The following POPDC2 variants were observed in gnomAD, a reference collection of about 807,000 sequenced individuals.
POPDC2 encodes popeye domain-containing protein 2.
In POPDC2, 24 loss-of-function variants were observed where a neutral mutation model predicts 30.5. That is an observed-to-expected ratio of 0.79 (90% CI 0.57 to 1.11). POPDC2 has a LOEUF of 1.11. Ranked by LOEUF, POPDC2 falls within the 50% of genes least tolerant of loss-of-function variation. POPDC2 has a pLI of 0.00. For missense variants in POPDC2, 409 were observed against 447.0 expected (o/e 0.91, Z 0.77); for synonymous variants, 185 against 183.3 (o/e 1.01, Z -0.07).
chr3:119,642,629 T>C, intron 3 of POPDC2, 68 bp from the exon 4 acceptor site: 1 of 1,098,734 alleles, frequency 9.1e-7, no homozygotes, highest in Non-Finnish European at 1.4e-6. Context: ...CTTCAAAGGG[T>C]TCTTTTCAGT....
At chr3:119,648,857 G>C (rs1386670485) in intron 2 of POPDC2, among the ~76,000 whole-genome samples, 189 bp from the exon 3 acceptor site, 1 of 152,140 alleles carries the variant, frequency 6.6e-6, no homozygotes. Flanking sequence ...CTGATATGGG[G>C]GGGTCCTGTG....
At chr3:119,659,405 G>A (rs1340259653) in intron 1 of POPDC2, among the ~76,000 whole-genome samples, 2 of 152,176 alleles carry the variant, frequency 1.3e-5, no homozygotes, top group African/African-American at 4.8e-5. Context: ...ACACAAGTGG[G>A]GCTGTTTGCT....
chr3:119,647,750 C>G (rs1289465217), intron 3 of POPDC2, among the ~76,000 whole-genome samples: 2 of 152,178 alleles, frequency 1.3e-5, no homozygotes, highest in Non-Finnish European at 2.9e-5. Flanking sequence ...GACAAGCAAT[C>G]AGAATTAGAA....
At position 119,660,537 on chromosome 3, in the gene POPDC2, C is replaced by G; in HGVS notation, c.-114G>C. The G allele has an allele frequency of 8.3e-7, 1 of 1,207,220 alleles. No homozygotes were observed. Among genetic ancestry groups the G allele is most frequent in the Non-Finnish European group, 1.1e-6 (1 of 886,466 alleles). 74.8% of individuals were successfully genotyped at this position (1,207,220 alleles called of 1,614,324 possible). On this transcript the variant is annotated 5_prime_UTR_variant, in exon 1 of 4. Transcript: ENST00000493094. ...CTTCTCACCTCCGGCTTCTCACTAC[C>G]GACTCCACCTTTCCTAGAAGGAATG...
chr3:119,648,827 A>T (rs76253759), intron 2 of POPDC2, among the ~76,000 whole-genome samples, 159 bp from the exon 3 acceptor site: 1,713 of 152,284 alleles, frequency 0.011, 25 homozygotes, highest in African/African-American at 0.038. Context: ...GGTCTAGTGG[A>T]TGACTTTCAC....
chr3:119,660,410 C>T lies in POPDC2; in HGVS notation c.14G>A (p.Ser5Asn). 1 of 1,611,904 alleles carries T rather than the reference C, an allele frequency of 6.2e-7. No individual in the cohort carries two copies. Among genetic ancestry groups the T allele is most frequent in the Non-Finnish European group, 8.5e-7 (1 of 1,178,510 alleles). ...CAAGAGAAGCTGGCCCACTCTGCTG[C>T]TGTTGGCGCTCATCTTTGGGGCCTC... MSAN[S>N]SRVGQLLLQG... The change falls in exon 1 of 4, where the codon AGC (serine) becomes AAC (asparagine). Residue 5 changes from serine (S) to asparagine (N), a missense_variant. Transcript: ENST00000493094.
At position 119,648,503 on chromosome 3, in the gene POPDC2, A is replaced by T. The variant is rs771882680; in HGVS notation, c.766T>A (p.Phe256Ile). 3 of 1,614,124 alleles carry T rather than the reference A, an allele frequency of 1.9e-6. No individual in the cohort carries two copies. Among genetic ancestry groups the T allele is most frequent in the Non-Finnish European group, 2.5e-6 (3 of 1,180,018 alleles). ...YTLNDKLFAK[F>I]GLRFDIRLPS... is the part of the protein sequence containing the mutation. The stretch of plus-strand genomic sequence containing the variant: ...AGGCGGATGTCAAAGCGCAGCCCAA[A>T]CTTAGCAAAGAGCTTGTCATTGAGA... Residue 256 changes from phenylalanine to isoleucine, a missense_variant, in exon 3 of 4, where the codon TTT becomes ATT. Phe to Ile is a conservative substitution (Grantham distance 21, BLOSUM62 0). Transcript: ENST00000493094.
intron 3 of POPDC2, among the ~76,000 whole-genome samples, chr3:119,647,597 G>A (rs1218623595): frequency 6.6e-6 from 1 of 152,196 alleles, no homozygotes. Flanking sequence ...TGGGTGAGAG[G>A]AAAGCAAGAT....
chr3:119,659,463 C>T (rs1219008889), intron 1 of POPDC2, among the ~76,000 whole-genome samples: 6 of 152,198 alleles, frequency 3.9e-5, no homozygotes, highest in Non-Finnish European at 1.5e-5. Flanking sequence ...CCCGCTATCC[C>T]GACCTCCCAT....
rs1320464124 is a variant in POPDC2 at position 119,660,114 on chromosome 3, G to C, written c.310C>G (p.Leu104Val). 6.2e-7 allele frequency: 1 copy of C among 1,614,116 alleles called. No individual in the cohort carries two copies. The highest frequency in any genetic ancestry group is 8.5e-7 in the Non-Finnish European group (1 of 1,180,042). ...HLVYRLREDT[L>V]PEEFDLLYKT... ...TAGAGGAGGTCAAACTCCTCAGGGA[G>C]GGTGTCCTCACGCAGGCGGTATACC... Residue 104 changes from leucine (L) to valine (V), a missense_variant, in exon 1 of 4, where the codon CTC becomes GTC. By Grantham distance (32) the Leu-to-Val change is conservative. Coordinates refer to ENST00000493094, the MANE Select transcript of POPDC2 (RefSeq NM_001369919.2).
At chr3:119,659,850 A>G (rs2052920823) in intron 1 of POPDC2, 83 bp downstream of exon 1, 1 of 1,450,950 alleles carries the variant, frequency 6.9e-7, no homozygotes, top group Non-Finnish European at 9.2e-7. Flanking sequence ...ATGGAAAGGG[A>G]CATGAAATGG....
At chr3:119,653,541 A>G (rs1008687310) in intron 2 of POPDC2, among the ~76,000 whole-genome samples, 2 of 150,832 alleles carry the variant, frequency 1.3e-5, no homozygotes, top group Admixed American at 6.6e-5. Context: ...GCAGTGGCGC[A>G]ATCTCGGCTC....
chr3:119,656,928 T>C (rs2052885656), intron 1 of POPDC2, among the ~76,000 whole-genome samples: 1 of 152,214 alleles, frequency 6.6e-6, no homozygotes, highest in South Asian at 2.1e-4. Context: ...AATCTGGTCT[T>C]TGTCTTTGAG....
Position 119,642,506 on chromosome 3 carries a change from AG to A in POPDC2, c.*98del. ...GTTCAGGCGTGTGGGTTGGAGCCAA[AG>A]GGGCCTGTCCCCTGGATATAACTTG... On this transcript the variant is annotated 3_prime_UTR_variant, in exon 4 of 4. Coordinates refer to ENST00000493094, the MANE Select transcript of POPDC2 (RefSeq NM_001369919.2). 6.2e-7 allele frequency: 1 copy of A among 1,612,946 alleles called. No individual in the cohort carries two copies. The highest frequency in any genetic ancestry group is 8.5e-7 in the Non-Finnish European group (1 of 1,178,938).
In POPDC2 at chr3:119,648,564, A is replaced by G. The variant is rs750878806; in HGVS notation, c.705T>C (p.Ala235=). 6 of 1,614,066 alleles carry G rather than the reference A, an allele frequency of 3.7e-6. No homozygotes were observed. Among genetic ancestry groups the G allele is most frequent in the Admixed American group, 1.7e-5 (1 of 59,988 alleles). The change falls in exon 3 of 4, where the codon GCT becomes GCC. Residue 235 remains alanine, a synonymous_variant. Coordinates refer to ENST00000493094, the MANE Select transcript of POPDC2 (RefSeq NM_001369919.2). ...TCTCTGAGATGTCATATCCCAGCAG[A>G]GCCGAGAAGAGGCAGGAGATGTATC... is the stretch of plus-strand genomic sequence containing the variant. ...KERYISCLFS[A]LLGYDISEKL...
chr3:119,657,344 C>T (rs1477868502), intron 1 of POPDC2, among the ~76,000 whole-genome samples: 2 of 152,092 alleles, frequency 1.3e-5, no homozygotes, highest in Non-Finnish European at 2.9e-5. Flanking sequence ...TAATGAATGC[C>T]TAGGTATACA....
chr3:119,656,985 C>A (rs961503844), intron 1 of POPDC2, among the ~76,000 whole-genome samples: 4 of 152,126 alleles, frequency 2.6e-5, no homozygotes, highest in Admixed American at 2.0e-4. Flanking sequence ...TAACTGGCTG[C>A]AAGTCAATGT....
At chr3:119,645,533 A>G (rs1560095710) in intron 3 of POPDC2, among the ~76,000 whole-genome samples, 1 of 146,926 alleles carries the variant, frequency 6.8e-6, no homozygotes, top group Non-Finnish European at 1.5e-5. Context: ...ACTGCGCTGC[A>G]GCCTGGGTGA....
Position 119,660,229 on chromosome 3 carries a change from C to G in POPDC2, c.195G>C (p.Val65=). 1 of 1,614,188 alleles carries G rather than the reference C, an allele frequency of 6.2e-7. No homozygotes were observed. Among genetic ancestry groups the G allele is most frequent in the Non-Finnish European group, 8.5e-7 (1 of 1,180,034 alleles). Residue 65 remains valine (V), a synonymous_variant, in exon 1 of 4, where the codon GTG becomes GTC. Transcript: ENST00000493094. ...CACAGGCACTGAACCAGCCCCACAG[C>G]ACGCAGCACAGGTAACCTGCACTCA... ...GFLSAGYLCC[V]LWGWFSACGL...
Sources: allele counts gnomAD v4.1 joint callset (sites outside exome capture counted in the v4.1 genomes callset), GRCh38; gene constraint gnomAD v4.1.1; transcripts MANE v1.5; gene names NCBI Gene and HGNC (gene_info 2026-07-23, HGNC 2026-07-21).